CYTH3: variants seen among roughly 807,000 people sequenced by gnomAD.
CYTH3 encodes the protein cytohesin 3.
CYTH3 carries 23 observed loss-of-function variants against 55.1 expected under a neutral mutation model. The ratio of observed to expected loss-of-function variants is 0.42; its 90% CI spans 0.30 to 0.59. CYTH3 has a LOEUF of 0.59. Among genes scored for constraint, CYTH3 ranks in the 20% least tolerant of loss-of-function variants. The pLI is 0.20. For synonymous variants in CYTH3, 249 were observed against 194.9 expected (o/e 1.28, Z -2.31); for missense variants, 413 against 524.8 (o/e 0.79, Z 2.08).
At chr7:6,227,321 G>A (rs2128552869) in intron 1 of CYTH3, among the ~76,000 whole-genome samples, 1 of 152,018 alleles carries the variant, frequency 6.6e-6, no homozygotes, top group South Asian at 2.1e-4. Flanking sequence ...TAAGCCTCAA[G>A]TCAGTGGATA....
chr7:6,259,198 A>T (rs1477645261), intron 1 of CYTH3, among the ~76,000 whole-genome samples: 2 of 152,206 alleles, frequency 1.3e-5, no homozygotes, highest in Admixed American at 1.3e-4. Flanking sequence ...CTTGGGGGAA[A>T]AAAATCACTA....
rs536482167 is a variant in CYTH3, at chr7:6,185,625, G to A, written c.249+1425C>T. Among the ~76,000 whole-genome samples the A allele has an allele frequency of 3.0e-3, 458 of 151,782 alleles. 3 individuals are homozygous for A. Among genetic ancestry groups the A allele is most frequent in the African/African-American group, 9.8e-3 (405 of 41,264 alleles). On this transcript the variant is annotated intron_variant, in intron 4 of 12. Coordinates refer to ENST00000350796, the MANE Select transcript of CYTH3 (RefSeq NM_004227.4). ...TGAGGCAGGAGAATGGTGTGAACCC[G>A]GGAGGTGGAGCTTGCGGTGGGCCGA...
chr7:6,241,360 A>C (rs1414473946), intron 1 of CYTH3, among the ~76,000 whole-genome samples: 1 of 152,238 alleles, frequency 6.6e-6, no homozygotes, highest in African/African-American at 2.4e-5. Context: ...AATGCAAACT[A>C]AACGGAAATA....
chr7:6,206,347 C>A (rs779654703), intron 1 of CYTH3, among the ~76,000 whole-genome samples: 1 of 152,218 alleles, frequency 6.6e-6, no homozygotes, highest in Non-Finnish European at 1.5e-5. Context: ...GAGCCAGCCA[C>A]AGAAGACCAC....
intron 1 of CYTH3, among the ~76,000 whole-genome samples, chr7:6,230,149 A>C (rs1779353554): frequency 6.6e-6 from 1 of 152,310 alleles, no homozygotes; most frequent in East Asian, 1.9e-4. Flanking sequence ...ATAAATAAAA[A>C]TAAACATAAA....
At chr7:6,259,746 A>ATATATATAATATATATATAT (rs1780234606) in intron 1 of CYTH3, among the ~76,000 whole-genome samples, 1 of 17,482 alleles carries the variant, frequency 5.7e-5, no homozygotes, top group African/African-American at 2.7e-4. Context: ...TATATATAAT[A>ATATATATAATATATATATAT]TATATATATA....
intron 1 of CYTH3, among the ~76,000 whole-genome samples, chr7:6,255,756 CTGTTTTTTTT>C (rs1283506911): frequency 3.2e-5 from 4 of 126,344 alleles, no homozygotes; most frequent in African/African-American, 1.5e-4. Flanking sequence ...GACCTTTAAT[CTGTTTTTTTT>C]TTTTTTTTTT....
chr7:6,206,008 A>C (rs1226041299), intron 1 of CYTH3, among the ~76,000 whole-genome samples: 1 of 152,090 alleles, frequency 6.6e-6, no homozygotes, highest in Non-Finnish European at 1.5e-5. Flanking sequence ...ATAATACAGA[A>C]ATCAATTATT....
intron 6 of CYTH3, chr7:6,173,195 C>T (rs1783248072): frequency 2.7e-5 from 11 of 401,210 alleles, no homozygotes; most frequent in Non-Finnish European, 3.5e-5. Context: ...GCAGGAAGGG[C>T]AGCTCAAGGG....
At chr7:6,182,680 T>A (rs114806168) in intron 4 of CYTH3, among the ~76,000 whole-genome samples, 3,000 of 152,230 alleles carry the variant, frequency 0.02, 96 homozygotes, top group African/African-American at 0.068. Context: ...CTTATTTTTT[T>A]AAAAAAACTG....
intron 1 of CYTH3, among the ~76,000 whole-genome samples, chr7:6,251,549 G>A (rs1268408174): frequency 1.3e-5 from 2 of 152,024 alleles, no homozygotes; most frequent in East Asian, 1.9e-4. Context: ...AATCTGTGAA[G>A]GACCGCAAAA....
At chr7:6,236,136 T>C (rs1779516479) in intron 1 of CYTH3, among the ~76,000 whole-genome samples, 2 of 152,166 alleles carry the variant, frequency 1.3e-5, no homozygotes, top group Admixed American at 1.3e-4. Flanking sequence ...TCTTAAACTG[T>C]ATCATGCAGA....
chr7:6,207,741 G>A (rs2128548441), intron 1 of CYTH3, among the ~76,000 whole-genome samples: 1 of 152,246 alleles, frequency 6.6e-6, no homozygotes, highest in East Asian at 1.9e-4. Context: ...CTTGAGTTCA[G>A]ATGTTCAAGA....
chr7:6,168,098 G>A (rs1783063229), intron 9 of CYTH3, among the ~76,000 whole-genome samples: 1 of 152,210 alleles, frequency 6.6e-6, no homozygotes, highest in Non-Finnish European at 1.5e-5. Context: ...GCAGATGGGA[G>A]CCACTTTCTC....
intron 1 of CYTH3, among the ~76,000 whole-genome samples, chr7:6,254,172 A>C (rs769008879): frequency 2.6e-5 from 4 of 152,178 alleles, no homozygotes; most frequent in Non-Finnish European, 4.4e-5. Flanking sequence ...CCACAGAGCA[A>C]GACTCCACCT....
At chr7:6,232,169 A>T (rs17136086) in intron 1 of CYTH3, among the ~76,000 whole-genome samples, 21,467 of 152,030 alleles carry the variant, frequency 0.14, 1,774 homozygotes, top group South Asian at 0.21. Context: ...AACCACCCTT[A>T]AACTCATTCC....
chr7:6,268,476 T>C (rs1396332075), intron 1 of CYTH3, among the ~76,000 whole-genome samples: 1 of 152,172 alleles, frequency 6.6e-6, no homozygotes, highest in Non-Finnish European at 1.5e-5. Flanking sequence ...GGCCTGCTCT[T>C]GTAACTTAAG....
intron 1 of CYTH3, among the ~76,000 whole-genome samples, chr7:6,191,092 T>A (rs574690562): frequency 2.0e-5 from 3 of 149,398 alleles, no homozygotes; most frequent in South Asian, 4.3e-4. Flanking sequence ...AAAAAAAAAA[T>A]TAAAAAGAAT....
At chr7:6,269,147 G>A (rs2115072235) in intron 1 of CYTH3, among the ~76,000 whole-genome samples, 1 of 152,246 alleles carries the variant, frequency 6.6e-6, no homozygotes, top group East Asian at 1.9e-4. Context: ...AAGGGCCTGG[G>A]AAATGTTGCC....
Sources: gnomAD v4.1 joint callset for allele counts (sites outside exome capture counted in the v4.1 genomes callset) on GRCh38, gnomAD v4.1.1 for gene constraint, MANE v1.5 for transcripts, NCBI Gene and HGNC (gene_info 2026-07-23, HGNC 2026-07-21) for gene names.